Variants in CTNND2 observed in about 807,000 individuals in gnomAD.
The protein encoded by CTNND2 is catenin delta 2.
A neutral mutation model predicts 144.4 loss-of-function variants in CTNND2; 22 were observed. The ratio of observed to expected loss-of-function variants is 0.15; its 90% confidence interval spans 0.11 to 0.22. CTNND2 has a LOEUF of 0.22. Among genes scored for constraint, CTNND2 ranks in the 10% least tolerant of loss-of-function variants. The probability of loss-of-function intolerance (pLI) is 1.00; values close to 1 mark genes in which losing one functional copy is unlikely to be tolerated. For synonymous variants in CTNND2, 751 were observed against 695.6 expected, an observed-to-expected ratio of 1.08 and a Z score of -1.25; for missense variants, 1,353 against 1,618.8, an observed-to-expected ratio of 0.84 and a Z score of 2.82.
At chr5:11,087,599 A>T (rs10513070) in intron 15 of CTNND2, among the ~76,000 whole-genome samples, 72,810 of 151,992 alleles carry the variant, frequency 0.48, 17,758 homozygotes, top group African/African-American at 0.59. Context: ...GATTTACATA[A>T]CTTTGTTTTC....
intron 9 of CTNND2, among the ~76,000 whole-genome samples, chr5:11,280,698 G>A (rs1229075283): frequency 6.6e-6 from 1 of 152,156 alleles, no homozygotes; most frequent in Admixed American, 6.5e-5. Context: ...GAAACAGAGG[G>A]AAGCATTTAC....
intron 2 of CTNND2, among the ~76,000 whole-genome samples, chr5:11,666,049 A>G (rs978045231): frequency 6.6e-6 from 1 of 152,236 alleles, no homozygotes; most frequent in Non-Finnish European, 1.5e-5. Context: ...TTTTTTAAAC[A>G]AGATGAATGT....
chr5:11,492,506 T>C lies in CTNND2; in HGVS notation c.287+72438A>G, dbSNP rs25938. On this transcript the variant is annotated intron_variant, in intron 3 of 21. Transcript: ENST00000304623. ...CTTTCTACAGCTATATATATATATA[T>C]GTGTGTGTGTGTGTGTGTGTGTGTG... 6.4e-5 allele frequency among the ~76,000 whole-genome samples: 2 copies of C among 31,306 alleles called. 1 individual carries two copies. Among genetic ancestry groups the C allele is most frequent in the African/African-American group, 5.1e-4 (2 of 3,910 alleles). The allele number at this position is 31,306 out of a possible 152,430, so 20.5% of individuals were successfully genotyped here.
chr5:11,063,348 A>G (rs1747211440), intron 16 of CTNND2, among the ~76,000 whole-genome samples: 1 of 152,216 alleles, frequency 6.6e-6, no homozygotes, highest in African/African-American at 2.4e-5. Flanking sequence ...TTTACATTTT[A>G]TATTGAATAA....
intron 15 of CTNND2, among the ~76,000 whole-genome samples, chr5:11,093,212 G>A (rs986831476): frequency 1.3e-5 from 2 of 152,168 alleles, no homozygotes; most frequent in African/African-American, 2.4e-5. Context: ...TGACTTCATA[G>A]CAAGTACAGA....
intron 15 of CTNND2, chr5:11,083,808 A>C (rs899029376): frequency 1.0e-4 from 64 of 624,266 alleles, no homozygotes; most frequent in Non-Finnish European, 1.3e-4. Flanking sequence ...GTCCTTTCCC[A>C]CCCAGTCCCC....
chr5:10,981,471 G>T (rs1434364968), intron 21 of CTNND2, among the ~76,000 whole-genome samples: 1 of 152,116 alleles, frequency 6.6e-6, no homozygotes, highest in Non-Finnish European at 1.5e-5. Flanking sequence ...TCTTACAGTT[G>T]TCTATTTGGG....
chr5:11,038,588 T>G (rs1378262837), intron 16 of CTNND2, among the ~76,000 whole-genome samples: 1 of 152,124 alleles, frequency 6.6e-6, no homozygotes. Context: ...ACTGAAAACT[T>G]GGAGCTCAGA....
chr5:11,641,853 T>C (rs1169117464), intron 2 of CTNND2, among the ~76,000 whole-genome samples: 2 of 151,618 alleles, frequency 1.3e-5, no homozygotes, highest in African/African-American at 4.8e-5. Flanking sequence ...TGTATATACA[T>C]ATACATATAT....
intron 1 of CTNND2, among the ~76,000 whole-genome samples, chr5:11,784,310 CTTGAT>C (rs973569827): frequency 1.3e-5 from 2 of 152,132 alleles, no homozygotes; most frequent in African/African-American, 4.8e-5. Flanking sequence ...TGAAAAATAA[CTTGAT>C]TTAAGTGGTT....
chr5:11,649,905 A>G (rs1218922098), intron 2 of CTNND2, among the ~76,000 whole-genome samples: 1 of 152,192 alleles, frequency 6.6e-6, no homozygotes, highest in African/African-American at 2.4e-5. Flanking sequence ...TATTATAATC[A>G]TTTCACAGAA....
intron 9 of CTNND2, among the ~76,000 whole-genome samples, chr5:11,250,489 C>CTATATATATA (rs1161027337): frequency 1.0e-4 from 7 of 68,062 alleles, no homozygotes; most frequent in South Asian, 5.9e-4. Context: ...CTCTCTCTCT[C>CTATATATATA]TCTATATATA....
At chr5:11,392,505 T>C (rs535972682) in intron 6 of CTNND2, among the ~76,000 whole-genome samples, 2 of 152,248 alleles carry the variant, frequency 1.3e-5, no homozygotes, top group East Asian at 3.9e-4. Context: ...ATAACTGCAA[T>C]AGCCCAAATA....
intron 9 of CTNND2, among the ~76,000 whole-genome samples, chr5:11,283,057 T>C (rs1478982250): frequency 1.3e-5 from 2 of 152,196 alleles, no homozygotes; most frequent in Non-Finnish European, 2.9e-5. Flanking sequence ...TACAAAATTC[T>C]CCTAAAATGC....
intron 3 of CTNND2, among the ~76,000 whole-genome samples, chr5:11,498,057 C>A (rs551551867): frequency 6.6e-6 from 1 of 152,248 alleles, no homozygotes; most frequent in Admixed American, 6.5e-5. Context: ...GAAATCAGGA[C>A]TCCCCAGCCA....
chr5:11,820,796 A>ATG (rs1793268325), intron 1 of CTNND2, among the ~76,000 whole-genome samples: 3 of 152,236 alleles, frequency 2.0e-5, no homozygotes, highest in Admixed American at 2.0e-4. Context: ...GTACTGCAGG[A>ATG]TGTGGGTTTT....
chr5:11,699,675 A>T (rs1785331215), intron 2 of CTNND2, among the ~76,000 whole-genome samples: 1 of 152,222 alleles, frequency 6.6e-6, no homozygotes, highest in South Asian at 2.1e-4. Flanking sequence ...CTGTAGCCCA[A>T]CTCTCCTTCC....
At chr5:11,387,239 A>G (rs1159210941) in intron 6 of CTNND2, among the ~76,000 whole-genome samples, 11 of 39,050 alleles carry the variant, frequency 2.8e-4, no homozygotes, top group African/African-American at 6.7e-4. Flanking sequence ...TCTTTTCAGC[A>G]TTAAAAAAAA....
At chr5:11,813,119 A>G (rs1262898850) in intron 1 of CTNND2, among the ~76,000 whole-genome samples, 1 of 152,138 alleles carries the variant, frequency 6.6e-6, no homozygotes, top group Non-Finnish European at 1.5e-5. Context: ...CCATATTTTT[A>G]CTGTACCTTT....
Sources: allele counts gnomAD v4.1 joint callset (sites outside exome capture counted in the v4.1 genomes callset), GRCh38; gene constraint gnomAD v4.1.1; transcripts MANE v1.5; gene names NCBI Gene and HGNC (gene_info 2026-07-23, HGNC 2026-07-21).